The following ZRANB3 variants were observed in gnomAD, a reference collection of about 807,000 sequenced individuals.
The protein encoded by ZRANB3 is zinc finger RANBP2-type containing 3.
Under a neutral mutation model 133.8 loss-of-function variants are expected in ZRANB3, and 125 were observed. The observed-to-expected ratio is 0.93, with a 90% confidence interval of 0.81 to 1.08. The LOEUF is 1.08. ZRANB3 is among the 50% of genes least tolerant of loss of function. The pLI is 0.00. For synonymous variants in ZRANB3, 387 were observed against 432.7 expected (o/e 0.89, Z 1.31); for missense variants, 1,229 against 1,275.5 (o/e 0.96, Z 0.56).
rs746258198 is a variant in ZRANB3, at chr2:135,202,885, C to T, written c.3088G>A (p.Gly1030Arg). 1.3e-5 allele frequency: 21 copies of T among 1,611,600 alleles called. No individual in the cohort carries two copies. In the East Asian group the frequency reaches 4.5e-4, roughly 34 times the overall value. Residue 1030 changes from glycine (G) to arginine (R), a missense_variant, in exon 20 of 21, where the codon GGA becomes AGA. Transcript: ENST00000264159. ...TGCAGGTTGTCCAGGGAACACTGTC[C>T]TCCTCCCCCATACACTGGCTTGATG... The part of the protein sequence containing the change: ...DHIKPVYGGG[G>R]QCSLDNLQTL...
At chr2:135,500,901 T>C (rs1692912635) in intron 2 of ZRANB3, among the ~76,000 whole-genome samples, 1 of 151,756 alleles carries the variant, frequency 6.6e-6, no homozygotes, top group Non-Finnish European at 1.5e-5. Flanking sequence ...GAGACATTAA[T>C]AGAAGCATAG....
intron 2 of ZRANB3, among the ~76,000 whole-genome samples, chr2:135,416,846 C>A (rs888092429): frequency 5.9e-5 from 9 of 152,160 alleles, no homozygotes; most frequent in African/African-American, 1.9e-4. Context: ...CTCAGAAAAA[C>A]AAGCAATGGG....
At chr2:135,220,795 C>A (rs1694514169) in intron 15 of ZRANB3, among the ~76,000 whole-genome samples, 1 of 151,124 alleles carries the variant, frequency 6.6e-6, no homozygotes, top group African/African-American at 2.4e-5. Context: ...ACACAGGATG[C>A]TAAATGTCTG....
chr2:135,474,575 G>C (rs1691421609), intron 2 of ZRANB3, among the ~76,000 whole-genome samples: 1 of 152,090 alleles, frequency 6.6e-6, no homozygotes, highest in Non-Finnish European at 1.5e-5. Flanking sequence ...TGACATGCCT[G>C]CTCCTAACCT....
At chr2:135,458,662 C>T (rs2105013749) in intron 2 of ZRANB3, among the ~76,000 whole-genome samples, 1 of 152,090 alleles carries the variant, frequency 6.6e-6, no homozygotes. Context: ...TCCAGACAGT[C>T]CCTAGATCTA....
In ZRANB3 at chr2:135,230,801, G is replaced by A; in HGVS notation, c.1666C>T (p.Pro556Ser). 1.2e-6 allele frequency: 2 copies of A among 1,613,658 alleles called. No homozygotes were observed. Among genetic ancestry groups the A allele is most frequent in the Non-Finnish European group, 1.7e-6 (2 of 1,179,798 alleles). ...ATATCTCTTGCAGCTGTTTTTGTAG[G>A]GTCTGATGACACTACAGTATTTTCC... Reference protein sequence around the residue: ...REENTVVSSDPTKTAARDIID... With the variant: ...REENTVVSSDSTKTAARDIID... Residue 556 changes from proline to serine, a missense_variant, in exon 13 of 21, where the codon CCT (proline) becomes TCT (serine). By Grantham distance (74) the Pro-to-Ser change is moderately conservative. Coordinates refer to ENST00000264159, the MANE Select transcript of ZRANB3 (RefSeq NM_032143.4).
At chr2:135,424,086 C>T (rs1688971400) in intron 2 of ZRANB3, among the ~76,000 whole-genome samples, 1 of 152,132 alleles carries the variant, frequency 6.6e-6, no homozygotes, top group Middle Eastern at 3.2e-3. Context: ...GGAGAAAACA[C>T]TGATGATTTA....
intron 8 of ZRANB3, among the ~76,000 whole-genome samples, chr2:135,312,157 T>TTTTTATTTTA (rs879598687): frequency 3.3e-4 from 31 of 95,092 alleles, no homozygotes; most frequent in East Asian, 1.9e-3. Flanking sequence ...TTTTATTTTA[T>TTTTTATTTTA]TTTTATTTTA....
intron 8 of ZRANB3, among the ~76,000 whole-genome samples, chr2:135,278,825 A>G (rs755574463): frequency 2.0e-5 from 3 of 152,230 alleles, no homozygotes; most frequent in Non-Finnish European, 4.4e-5. Flanking sequence ...GGTTCTAATA[A>G]TAAACATGGT....
intron 8 of ZRANB3, among the ~76,000 whole-genome samples, chr2:135,291,043 C>T (rs937616188): frequency 6.6e-6 from 1 of 152,020 alleles, no homozygotes; most frequent in East Asian, 1.9e-4. Context: ...TGTATTTTTA[C>T]TAGAGATGGG....
Position 135,513,760 on chromosome 2 carries a change from CTTATGT to C in ZRANB3, c.-7-9270_-7-9265del, listed in dbSNP as rs564829738. ...TTCTAAGGTTTTTATGGTTTTAGGT[CTTATGT>C]TTAAGTCTTTAATCCATCTTGAGTT... On this transcript the variant is annotated intron_variant, in intron 1 of 20. Transcript: ENST00000264159. 3.0e-3 allele frequency among the ~76,000 whole-genome samples: 453 copies of C among 152,184 alleles called. 3 individuals carry two copies. Among genetic ancestry groups the C allele is most frequent in the African/African-American group, 0.01 (422 of 41,516 alleles).
intron 8 of ZRANB3, among the ~76,000 whole-genome samples, chr2:135,286,450 G>A (rs550750687): frequency 2.0e-5 from 3 of 152,200 alleles, no homozygotes; most frequent in Non-Finnish European, 4.4e-5. Context: ...GCTAATTTTT[G>A]TATTTTTGGT....
At chr2:135,478,886 T>C (rs1302130518) in intron 2 of ZRANB3, among the ~76,000 whole-genome samples, 1 of 151,826 alleles carries the variant, frequency 6.6e-6, no homozygotes, top group Non-Finnish European at 1.5e-5. Flanking sequence ...CTGTTATATG[T>C]ATATATGTAT....
chr2:135,461,867 C>A (rs1049278437), intron 2 of ZRANB3, among the ~76,000 whole-genome samples: 2 of 152,084 alleles, frequency 1.3e-5, no homozygotes, highest in African/African-American at 4.8e-5. Context: ...CTGAAAAGAT[C>A]GTTAGCAGGA....
chr2:135,234,130 C>G (rs1695174450), intron 12 of ZRANB3, among the ~76,000 whole-genome samples: 1 of 152,128 alleles, frequency 6.6e-6, no homozygotes, highest in African/African-American at 2.4e-5. Context: ...CAAAAAAAGG[C>G]AGGCGTTGCA....
At chr2:135,511,986 C>A in intron 1 of ZRANB3, 1 of 692,918 alleles carries the variant, frequency 1.4e-6, no homozygotes, top group South Asian at 1.6e-5. Context: ...TCAAATATGT[C>A]CAAACCTGTG....
chr2:135,236,685 G>T (rs1222959339), intron 12 of ZRANB3, among the ~76,000 whole-genome samples: 1 of 152,102 alleles, frequency 6.6e-6, no homozygotes, highest in African/African-American at 2.4e-5. Context: ...ACAAGCAATG[G>T]GGAAAGGATT....
At chr2:135,453,084 T>A (rs1476014845) in intron 2 of ZRANB3, among the ~76,000 whole-genome samples, 1 of 152,202 alleles carries the variant, frequency 6.6e-6, no homozygotes, top group Non-Finnish European at 1.5e-5. Context: ...CAACCTCAAT[T>A]CTTGATTTCT....
intron 8 of ZRANB3, among the ~76,000 whole-genome samples, chr2:135,285,687 A>G (rs1386874090): frequency 6.6e-6 from 1 of 152,240 alleles, no homozygotes; most frequent in Non-Finnish European, 1.5e-5. Flanking sequence ...ATTTTAAATT[A>G]TGGGTTGGCT....
Sources: allele counts gnomAD v4.1 joint callset (sites outside exome capture counted in the v4.1 genomes callset), GRCh38; gene constraint gnomAD v4.1.1; transcripts MANE v1.5; gene names NCBI Gene and HGNC (gene_info 2026-07-23, HGNC 2026-07-21).